Variants in ERC2 observed in about 807,000 individuals in gnomAD.
The protein encoded by ERC2 is ELKS/RAB6-interacting/CAST family member 2, also known as ERC protein 2.
ERC2 carries 42 observed loss-of-function variants against 114.8 expected under a neutral mutation model. The ratio of observed to expected loss-of-function variants is 0.37; its 90% confidence interval spans 0.29 to 0.47. The LOEUF (loss-of-function observed/expected upper bound fraction) is 0.47, where lower values mean the gene tolerates loss of function less well. Among genes scored for constraint, ERC2 ranks in the 20% least tolerant of loss-of-function variants. The probability of loss-of-function intolerance (pLI) is 0.99; values close to 1 mark genes in which losing one functional copy is unlikely to be tolerated. For synonymous variants in ERC2, 454 were observed against 425.5 expected, an observed-to-expected ratio of 1.07 and a Z score of -0.82; for missense variants, 939 against 1,150.7, an observed-to-expected ratio of 0.82 and a Z score of 2.66.
chr3:56,208,463 A>G (rs2048868658), intron 3 of ERC2, among the ~76,000 whole-genome samples: 1 of 152,222 alleles, frequency 6.6e-6, no homozygotes, highest in Non-Finnish European at 1.5e-5. Context: ...TGTTTTACTT[A>G]TACTTGTCTC....
intron 3 of ERC2, among the ~76,000 whole-genome samples, chr3:56,213,011 C>A (rs910465639): frequency 6.6e-6 from 1 of 152,108 alleles, no homozygotes; most frequent in African/African-American, 2.4e-5. Flanking sequence ...ATACAATAGA[C>A]TTTGCGGACT....
chr3:55,995,676 A>T (rs2125244), intron 10 of ERC2, among the ~76,000 whole-genome samples: 101,962 of 152,034 alleles, frequency 0.67, 34,346 homozygotes, highest in East Asian at 0.82. Context: ...TATTGGAGGC[A>T]AAAGCCTCTA....
intron 14 of ERC2, among the ~76,000 whole-genome samples, chr3:55,878,174 T>C (rs1307331534): frequency 2.6e-5 from 4 of 152,174 alleles, no homozygotes; most frequent in Admixed American, 1.3e-4. Flanking sequence ...TAACTGCTGA[T>C]TATGATTATT....
At chr3:55,631,446 A>G (rs866581703) in intron 17 of ERC2, among the ~76,000 whole-genome samples, 6 of 152,304 alleles carry the variant, frequency 3.9e-5, no homozygotes, top group African/African-American at 1.4e-4. Context: ...CCTTCCAGGA[A>G]GAAAGGAAAA....
chr3:56,088,250 G>A (rs1437431697), intron 6 of ERC2, among the ~76,000 whole-genome samples: 3 of 152,098 alleles, frequency 2.0e-5, no homozygotes, highest in South Asian at 2.1e-4. Context: ...TCCTTAAAAC[G>A]GGTTGGACTT....
At position 55,519,968 on chromosome 3, in the gene ERC2, T is replaced by C. The variant is rs550681931; in HGVS notation, c.*40-8692A>G. Among the ~76,000 whole-genome samples, 5 of 150,892 alleles carry C rather than the reference T, an allele frequency of 3.3e-5. No individual in the cohort carries two copies. In the East Asian group the frequency reaches 7.9e-4, roughly 24 times the overall value. On this transcript the variant is annotated intron_variant, in intron 17 of 17. Transcript: ENST00000288221. ...TACTTGGTAGGCTAAGGTGGGAGGA[T>C]TGATTGAGCCCAGGAGGTCAAGGCT... is the stretch of plus-strand genomic sequence containing the variant.
chr3:56,466,207 C>T (rs192578934), intron 1 of ERC2, among the ~76,000 whole-genome samples: 1 of 152,334 alleles, frequency 6.6e-6, no homozygotes, highest in Non-Finnish European at 1.5e-5. Flanking sequence ...TTGACAAACC[C>T]GGCTTCTACA....
At chr3:55,875,909 G>C (rs538689955) in intron 14 of ERC2, among the ~76,000 whole-genome samples, 71 of 152,210 alleles carry the variant, frequency 4.7e-4, no homozygotes, top group African/African-American at 1.7e-3. Flanking sequence ...AAAGAGGAGA[G>C]AGAAGGATGG....
At chr3:55,825,204 T>A (rs1287820067) in intron 14 of ERC2, among the ~76,000 whole-genome samples, 1 of 152,186 alleles carries the variant, frequency 6.6e-6, no homozygotes, top group Non-Finnish European at 1.5e-5. Flanking sequence ...TGTTAACAAT[T>A]TCAGATCCAG....
intron 14 of ERC2, among the ~76,000 whole-genome samples, chr3:55,808,469 A>G (rs2059573952): frequency 6.6e-6 from 1 of 151,920 alleles, no homozygotes; most frequent in Non-Finnish European, 1.5e-5. Flanking sequence ...TTCAACAGAA[A>G]GTAATCATTG....
intron 12 of ERC2, among the ~76,000 whole-genome samples, chr3:55,952,163 ACACACACACACACACACTCTCTCT>A (rs1559922187): frequency 8.2e-5 from 6 of 73,540 alleles, no homozygotes; most frequent in Non-Finnish European, 1.2e-4. Context: ...ACACACACAC[ACACACACACACACACACTCTCTCT>A]CTCTCTCTCT....
intron 2 of ERC2, among the ~76,000 whole-genome samples, chr3:56,389,543 C>T (rs1560730188): frequency 6.6e-6 from 1 of 152,202 alleles, no homozygotes; most frequent in Non-Finnish European, 1.5e-5. Flanking sequence ...GAGGGCCACA[C>T]ATGGTCTTGT....
intron 17 of ERC2, among the ~76,000 whole-genome samples, chr3:55,591,759 C>A (rs2057901671): frequency 6.6e-6 from 1 of 152,142 alleles, no homozygotes; most frequent in African/African-American, 2.4e-5. Context: ...CCATCAGGCA[C>A]CCCATCCCCA....
chr3:56,085,388 A>G (rs2077451034), intron 6 of ERC2, among the ~76,000 whole-genome samples: 1 of 152,186 alleles, frequency 6.6e-6, no homozygotes, highest in African/African-American at 2.4e-5. Context: ...ACTGCATTAC[A>G]AGAGAGAGTG....
rs146614589 is a variant in ERC2, at chr3:56,327,379, A to T, written c.658-30944T>A. 4.2e-4 allele frequency among the ~76,000 whole-genome samples: 64 copies of T among 152,318 alleles called. 1 individual carries two copies. In the Middle Eastern group the frequency reaches 0.014, roughly 32 times the overall value. On this transcript the variant is annotated intron_variant, in intron 2 of 17. Coordinates refer to ENST00000288221, the MANE Select transcript of ERC2 (RefSeq NM_015576.3). The stretch of plus-strand genomic sequence containing the variant: ...CAGCATCATGAGAACAGCACGGGGG[A>T]AACTGCTCCCATGATTCAATTACCT...
In ERC2 at chr3:55,510,730, T is replaced by C. The variant is rs989757946; in HGVS notation, c.*586A>G. 6.6e-6 allele frequency: 1 copy of C among 152,484 alleles called. No homozygotes were observed. The highest frequency in any genetic ancestry group is 1.5e-5 in the Non-Finnish European group (1 of 68,040). The allele number at this position is 152,484 out of a possible 1,614,324, so 9.4% of individuals were successfully genotyped here. The stretch of plus-strand genomic sequence containing the variant: ...AAAGGCTCGCAATTTTTGGTGTTTT[T>C]TGTTTCTTCGTCAAACACTCCATGC... On this transcript the variant is annotated 3_prime_UTR_variant, in exon 18 of 18. Coordinates refer to ENST00000288221, the MANE Select transcript of ERC2 (RefSeq NM_015576.3).
chr3:55,796,347 A>G (rs2070487696), intron 14 of ERC2, among the ~76,000 whole-genome samples: 1 of 152,252 alleles, frequency 6.6e-6, no homozygotes, highest in African/African-American at 2.4e-5. Context: ...CCAAGACACA[A>G]AAAGACTTGA....
intron 12 of ERC2, among the ~76,000 whole-genome samples, chr3:55,972,975 G>A (rs760612081): frequency 1.3e-5 from 2 of 152,194 alleles, no homozygotes; most frequent in Non-Finnish European, 2.9e-5. Flanking sequence ...GAATGAGGGG[G>A]TAGAGTGACA....
chr3:56,173,579 C>T (rs969000233), intron 3 of ERC2, 59 bp from the exon 4 acceptor site: 2 of 1,527,510 alleles, frequency 1.3e-6, no homozygotes, highest in Non-Finnish European at 1.8e-6. Context: ...ACACCACAAC[C>T]TTTACACAGG....
Sources: allele counts gnomAD v4.1 joint callset (sites outside exome capture counted in the v4.1 genomes callset), GRCh38; gene constraint gnomAD v4.1.1; transcripts MANE v1.5; gene names NCBI Gene and HGNC (gene_info 2026-07-23, HGNC 2026-07-21).